PDE10A: variants seen among roughly 807,000 people sequenced by gnomAD.
PDE10A encodes the protein phosphodiesterase 10A, also known as cAMP and cAMP-inhibited cGMP 3',5'-cyclic phosphodiesterase 10A.
A neutral mutation model predicts 97.7 loss-of-function variants in PDE10A; 39 were observed. The observed-to-expected ratio is 0.40, with a 90% CI of 0.31 to 0.52. The LOEUF is 0.52. PDE10A is among the 20% of genes least tolerant of loss of function. The pLI is 0.56. For synonymous variants in PDE10A, 371 were observed against 376.8 expected (o/e 0.98, Z 0.18); for missense variants, 731 against 1,047.8 (o/e 0.70, Z 4.17).
rs1790643722 is a variant in PDE10A at position 165,671,376 on chromosome 6, T to C, written c.-614-127808A>G. On this transcript the variant is annotated intron_variant, in intron 1 of 19. Coordinates refer to the PDE10A transcript ENST00000366882. This position sits in a 1 kb window ranked among gnomAD's most constrained non-coding sequence, Gnocchi z 4.6. ...GTGATCACAGAGTGAGCATAACCCC[T>C]GAAGAGCCCGAATTCAGCCCAGGTG... Among the ~76,000 whole-genome samples the C allele has an allele frequency of 6.6e-6, 1 of 152,124 alleles. No individual in the cohort carries two copies. The highest frequency in any genetic ancestry group is 2.4e-5 in the African/African-American group (1 of 41,432).
At chr6:165,949,678 C>A (rs1176709433) in intron 1 of PDE10A, 3 of 152,184 alleles carry the variant, frequency 2.0e-5, no homozygotes, top group Non-Finnish European at 2.9e-5. Context: ...ATATGATACA[C>A]ATGTTATGCA....
chr6:165,388,565 C>T lies in PDE10A; in HGVS notation c.2455-112G>A. The T allele has an allele frequency of 1.1e-6, 1 of 918,002 alleles. No individual in the cohort carries two copies. The highest frequency in any genetic ancestry group is 1.7e-6 in the Non-Finnish European group (1 of 578,118). The allele number at this position is 918,002 out of a possible 1,614,324, so 56.9% of individuals were successfully genotyped here. A position where few individuals can be genotyped will look rare whatever the true frequency, so the allele number is the denominator to read the frequency against. On this transcript the variant is annotated intron_variant, in intron 16 of 21. Transcript: ENST00000539869. The surrounding 1 kb of genome is among the most constrained non-coding windows in gnomAD (Gnocchi z 4.0). ...TTCTGGCATTAATATAGCACAAATA[C>T]AGCATTCTGGCATAAAGAATCCTAT...
At chr6:165,635,399 C>T (rs767333900) in intron 1 of PDE10A, among the ~76,000 whole-genome samples, 1 of 152,090 alleles carries the variant, frequency 6.6e-6, no homozygotes, top group Non-Finnish European at 1.5e-5. Context: ...AATACCAGCA[C>T]CAGTTTAGTC....
chr6:165,920,570 T>A (rs1485286246), intron 1 of PDE10A, among the ~76,000 whole-genome samples: 2 of 138,862 alleles, frequency 1.4e-5, no homozygotes, highest in Non-Finnish European at 1.6e-5. Context: ...ACACACACAC[T>A]TACACATACC....
intron 3 of PDE10A, among the ~76,000 whole-genome samples, chr6:165,453,792 G>A (rs571374502): frequency 1.3e-5 from 2 of 152,322 alleles, no homozygotes; most frequent in East Asian, 3.9e-4. Flanking sequence ...TACAGCAGTG[G>A]AGCCCGCACA....
Position 165,569,506 on chromosome 6 carries a change from ATGTT to A in PDE10A, c.866-25942_866-25939del, listed in dbSNP as rs1292789721. On this transcript the variant is annotated intron_variant, in intron 1 of 21. Coordinates refer to ENST00000539869, the MANE Select transcript of PDE10A (RefSeq NM_001385079.1). ...GTTTAAGTGACTGCTGTGGGTCTGA[ATGTT>A]TGTGTCTTCCCAAAATTCTTATGTT... Among the ~76,000 whole-genome samples the A allele has an allele frequency of 1.6e-4, 25 of 152,308 alleles. No individual in the cohort carries two copies. The East Asian group carries it at 4.4e-3, about 27-fold the overall frequency.
intron 3 of PDE10A, among the ~76,000 whole-genome samples, chr6:165,468,636 T>A (rs539376704): frequency 6.6e-6 from 1 of 152,332 alleles, no homozygotes; most frequent in Admixed American, 6.5e-5. Context: ...CATTATCAGA[T>A]GAGGCTACTA....
chr6:165,943,277 A>AGG lies in PDE10A; in HGVS notation c.-615+44251_-615+44252insCC, dbSNP rs1562809969. 2.8e-4 allele frequency among the ~76,000 whole-genome samples: 38 copies of AGG among 136,152 alleles called. 3 individuals are homozygous for AGG. The highest frequency in any genetic ancestry group is 1.0e-3 in the East Asian group (5 of 4,880). 89.3% of individuals were successfully genotyped at this position (136,152 alleles called of 152,430 possible). A position where few individuals can be genotyped will look rare whatever the true frequency, so the allele number is the denominator to read the frequency against. On this transcript the variant is annotated intron_variant, in intron 1 of 19. Transcript: ENST00000366882. ...AAGGAAGGAAGGAAGGAAGGAAGGAAAGAAAGAAAGAAAGAAGGAAAGAAA... is the reference window on the plus strand; with the variant it reads ...AAGGAAGGAAGGAAGGAAGGAAGGAAGGAGAAAGAAAGAAAGAAGGAAAGAAA...
intron 1 of PDE10A, among the ~76,000 whole-genome samples, chr6:165,945,660 C>T (rs1474782868): frequency 2.0e-5 from 3 of 152,214 alleles, no homozygotes; most frequent in Non-Finnish European, 4.4e-5. Flanking sequence ...GGAAGAGAAA[C>T]TGCCAGCACC....
chr6:165,621,278 ACC>A (rs1788118818), intron 1 of PDE10A, among the ~76,000 whole-genome samples: 1 of 149,594 alleles, frequency 6.7e-6, no homozygotes, highest in Non-Finnish European at 1.5e-5. Context: ...ATGAATCCTC[ACC>A]TAGCAAATTT....
At position 165,567,993 on chromosome 6, in the gene PDE10A, CATTTT is replaced by C. The variant is rs1288198775; in HGVS notation, c.866-24430_866-24426del. Among the ~76,000 whole-genome samples, 48 of 115,628 alleles carry C rather than the reference CATTTT, an allele frequency of 4.2e-4. 2 individuals carry two copies. The highest frequency in any genetic ancestry group is 2.2e-3 in the South Asian group (7 of 3,250). 75.9% of individuals were successfully genotyped at this position (115,628 alleles called of 152,430 possible). A position where few individuals can be genotyped will look rare whatever the true frequency, so the allele number is the denominator to read the frequency against. The stretch of plus-strand genomic sequence containing the variant: ...AGCACACAATAGGTACGCAACAAGG[CATTTT>C]TTTTTTTTTTTTTTTTTTGAGACGG... On this transcript the variant is annotated intron_variant, in intron 1 of 21. Transcript: ENST00000539869.
At chr6:165,708,726 C>T (rs1316160938) in intron 1 of PDE10A, among the ~76,000 whole-genome samples, 5 of 149,312 alleles carry the variant, frequency 3.3e-5, no homozygotes, top group African/African-American at 9.9e-5. Flanking sequence ...CCCCATGCTG[C>T]GGCGCTCTGC....
At chr6:165,549,430 G>T (rs1373429691) in intron 1 of PDE10A, among the ~76,000 whole-genome samples, 2 of 152,024 alleles carry the variant, frequency 1.3e-5, no homozygotes, top group African/African-American at 2.4e-5. Context: ...GTTTAAGGGA[G>T]TCTCCTGCCT....
At chr6:165,805,203 C>T (rs1230634365) in intron 1 of PDE10A, among the ~76,000 whole-genome samples, 1 of 152,000 alleles carries the variant, frequency 6.6e-6, no homozygotes, top group Non-Finnish European at 1.5e-5. Context: ...GTTGGAGAGG[C>T]CTCGGGTCGC....
At chr6:165,877,253 G>A (rs1463377980) in intron 1 of PDE10A, among the ~76,000 whole-genome samples, 1 of 152,144 alleles carries the variant, frequency 6.6e-6, no homozygotes, top group African/African-American at 2.4e-5. Flanking sequence ...TTGCTCTCGT[G>A]ATAAATTCCA....
Position 165,955,619 on chromosome 6 carries a change from G to GA in PDE10A, c.-615+31909dup, listed in dbSNP as rs1466551625. Reference sequence around the variant, plus strand: ...CAAAGCCAGATACTAATCCACATTAGAAAATCTTAATATGGGACACATATG... The same window carrying GA: ...CAAAGCCAGATACTAATCCACATTAGAAAAATCTTAATATGGGACACATATG... On this transcript the variant is annotated intron_variant, in intron 1 of 19. Coordinates refer to the PDE10A transcript ENST00000366882. Among the ~76,000 whole-genome samples, 3 of 152,198 alleles carry GA rather than the reference G, an allele frequency of 2.0e-5. 1 individual carries two copies. In the East Asian group the frequency reaches 5.8e-4, roughly 29 times the overall value.
At chr6:165,594,452 T>C (rs1287960011) in intron 1 of PDE10A, among the ~76,000 whole-genome samples, 1 of 152,118 alleles carries the variant, frequency 6.6e-6, no homozygotes, top group African/African-American at 2.4e-5. Flanking sequence ...TATATTATAA[T>C]ACTGAATAGA....
chr6:165,746,457 C>T (rs1373291421), intron 1 of PDE10A, among the ~76,000 whole-genome samples: 1 of 152,226 alleles, frequency 6.6e-6, no homozygotes. Flanking sequence ...AACAACAATT[C>T]ACACAGGCCA....
At chr6:165,750,959 G>T (rs1792984769) in intron 1 of PDE10A, among the ~76,000 whole-genome samples, 1 of 152,144 alleles carries the variant, frequency 6.6e-6, no homozygotes, top group South Asian at 2.1e-4. Flanking sequence ...CCACCTTCAG[G>T]TGTAACAGCA....
Sources: gnomAD v4.1 joint callset for allele counts (sites outside exome capture counted in the v4.1 genomes callset) on GRCh38, gnomAD v4.1.1 for gene constraint, Gnocchi (gnomAD v3.1) non-coding constraint, MANE v1.5 for transcripts, NCBI Gene and HGNC (gene_info 2026-07-23, HGNC 2026-07-21) for gene names.